SCAPER: variants seen among roughly 807,000 people sequenced by gnomAD.
SCAPER encodes S phase cyclin A-associated protein in the endoplasmic reticulum.
Under a neutral mutation model 182.2 loss-of-function variants are expected in SCAPER, and 98 were observed. The ratio of observed to expected loss-of-function variants is 0.54; its 90% confidence interval spans 0.46 to 0.64. The LOEUF (loss-of-function observed/expected upper bound fraction) is 0.64. Among genes scored for constraint, SCAPER ranks in the 30% least tolerant of loss-of-function variants. The probability of loss-of-function intolerance (pLI) is 0.00; values close to 1 mark genes in which losing one functional copy is unlikely to be tolerated. For synonymous variants in SCAPER, 605 were observed against 564.6 expected, an observed-to-expected ratio of 1.07 and a Z score of -1.01; for missense variants, 1,432 against 1,690.0, an observed-to-expected ratio of 0.85 and a Z score of 2.68.
intron 21 of SCAPER, among the ~76,000 whole-genome samples, chr15:76,646,954 A>T (rs1296538811): frequency 6.6e-6 from 1 of 152,202 alleles, no homozygotes; most frequent in Non-Finnish European, 1.5e-5. Context: ...AACCTGGGGC[A>T]GACCATCATG....
At chr15:76,442,058 T>C (rs1465411702) in intron 25 of SCAPER, among the ~76,000 whole-genome samples, 1 of 152,138 alleles carries the variant, frequency 6.6e-6, no homozygotes, top group Admixed American at 6.6e-5. Context: ...TATATATACA[T>C]GTATATATAG....
chr15:76,534,456 G>A (rs1032567937), intron 23 of SCAPER, among the ~76,000 whole-genome samples: 1 of 152,152 alleles, frequency 6.6e-6, no homozygotes, highest in African/African-American at 2.4e-5. Context: ...AATATGAGAG[G>A]CAAAAGGATT....
At chr15:76,547,568 TATC>T (rs1387567234) in intron 23 of SCAPER, among the ~76,000 whole-genome samples, 3 of 152,130 alleles carry the variant, frequency 2.0e-5, no homozygotes, top group African/African-American at 7.2e-5. Context: ...TTCTACCTGA[TATC>T]ATAAAATATA....
chr15:76,714,079 C>T (rs1283905398), intron 17 of SCAPER, among the ~76,000 whole-genome samples: 2 of 151,824 alleles, frequency 1.3e-5, no homozygotes, highest in African/African-American at 2.4e-5. Context: ...GCCACAGATA[C>T]ACACAACATG....
intron 26 of SCAPER, among the ~76,000 whole-genome samples, chr15:76,414,161 T>A (rs963038809): frequency 6.6e-6 from 1 of 152,154 alleles, no homozygotes; most frequent in Non-Finnish European, 1.5e-5. Flanking sequence ...ATTAAGGTTA[T>A]ACTGGCATCA....
intron 21 of SCAPER, 89 bp downstream of exon 21, chr15:76,665,564 A>C (rs1162614463): frequency 7.0e-7 from 1 of 1,427,936 alleles, no homozygotes. Flanking sequence ...GAAGCAAACA[A>C]CTTTAAACTT....
chr15:76,578,970 A>G (rs948848809), intron 22 of SCAPER, among the ~76,000 whole-genome samples: 3 of 152,222 alleles, frequency 2.0e-5, no homozygotes, highest in African/African-American at 7.2e-5. Flanking sequence ...GAAGGAATTC[A>G]GAATTCTATC....
At chr15:76,853,832 GAAA>G (rs1337422061) in intron 4 of SCAPER, among the ~76,000 whole-genome samples, 1 of 152,028 alleles carries the variant, frequency 6.6e-6, no homozygotes, top group Non-Finnish European at 1.5e-5. Flanking sequence ...TCAGGCAAGA[GAAA>G]AAAATAAAGG....
chr15:76,634,313 C>T (rs1169901206), intron 21 of SCAPER, among the ~76,000 whole-genome samples: 1 of 152,180 alleles, frequency 6.6e-6, no homozygotes, highest in Non-Finnish European at 1.5e-5. Flanking sequence ...TGCCAACTGC[C>T]TCGTCAGTCC....
intron 21 of SCAPER, among the ~76,000 whole-genome samples, chr15:76,633,273 C>T (rs1249077550): frequency 6.6e-6 from 1 of 152,224 alleles, no homozygotes; most frequent in African/African-American, 2.4e-5. Context: ...CGCTGCCGAA[C>T]AACAAAGATG....
chr15:76,772,624 TC>T (rs1158536168), intron 9 of SCAPER, among the ~76,000 whole-genome samples: 1 of 151,936 alleles, frequency 6.6e-6, no homozygotes, highest in Non-Finnish European at 1.5e-5. Context: ...TTAGATATCT[TC>T]CCTATTGTCC....
At chr15:76,713,508 T>C (rs2059709307) in intron 17 of SCAPER, among the ~76,000 whole-genome samples, 1 of 151,970 alleles carries the variant, frequency 6.6e-6, no homozygotes, top group Admixed American at 6.6e-5. Flanking sequence ...AAATCATCAT[T>C]CTCAGCAAAC....
intron 26 of SCAPER, among the ~76,000 whole-genome samples, chr15:76,417,501 C>T (rs62028404): frequency 6.6e-6 from 1 of 152,160 alleles, no homozygotes; most frequent in Non-Finnish European, 1.5e-5. Flanking sequence ...AGAGATCTAG[C>T]TTAAGTAACT....
chr15:76,739,615 C>A (rs2061445485), intron 15 of SCAPER, among the ~76,000 whole-genome samples: 1 of 152,106 alleles, frequency 6.6e-6, no homozygotes, highest in Non-Finnish European at 1.5e-5. Context: ...AAGATTTCAC[C>A]ATGGTACTCA....
At chr15:76,368,730 G>A (rs567911811) in intron 29 of SCAPER, among the ~76,000 whole-genome samples, 29 of 152,270 alleles carry the variant, frequency 1.9e-4, no homozygotes, top group African/African-American at 7.0e-4. Context: ...CAATCTATGG[G>A]GCCTTTCCAA....
chr15:76,782,618 C>A (rs1275014398), intron 8 of SCAPER, among the ~76,000 whole-genome samples: 5 of 151,978 alleles, frequency 3.3e-5, no homozygotes, highest in Non-Finnish European at 7.4e-5. Context: ...TAAAACTGAC[C>A]ACATAATTGG....
At chr15:76,637,083 GCCA>G (rs556604865) in intron 21 of SCAPER, among the ~76,000 whole-genome samples, 6 of 151,540 alleles carry the variant, frequency 4.0e-5, no homozygotes, top group East Asian at 1.9e-4. Flanking sequence ...AGGCTATGCA[GCCA>G]CCACCACCAC....
chr15:76,647,215 T>C (rs1325916906), intron 21 of SCAPER, among the ~76,000 whole-genome samples: 4 of 152,186 alleles, frequency 2.6e-5, no homozygotes, highest in African/African-American at 9.6e-5. Flanking sequence ...GTACTTTAGA[T>C]GATGGTTAAG....
In SCAPER at chr15:76,354,201, C is replaced by T; in HGVS notation, c.3856-61G>A. ...ACGCCCCAGCCTGTCCCTCACCCAC[C>T]TGCACAGTGTCGGCTAGTACCATGG... is the stretch of plus-strand genomic sequence containing the variant. On this transcript the variant is annotated intron_variant, in intron 29 of 31. Transcript: ENST00000563290. This position sits in a 1 kb window ranked among gnomAD's most constrained non-coding sequence, Gnocchi z 4.4. The T allele has an allele frequency of 1.3e-6, 2 of 1,504,224 alleles. No homozygotes were observed. The highest frequency in any genetic ancestry group is 2.5e-5 in the East Asian group (1 of 40,578). The allele number at this position is 1,504,224 out of a possible 1,614,324, so 93.2% of individuals were successfully genotyped here.
Sources: gnomAD v4.1 joint callset for allele counts (sites outside exome capture counted in the v4.1 genomes callset) on GRCh38, gnomAD v4.1.1 for gene constraint, Gnocchi (gnomAD v3.1) non-coding constraint, MANE v1.5 for transcripts, NCBI Gene and HGNC (gene_info 2026-07-23, HGNC 2026-07-21) for gene names.